The following MAST4 variants were observed in gnomAD, a reference collection of about 807,000 sequenced individuals.
MAST4 encodes microtubule-associated serine/threonine-protein kinase 4.
Under a neutral mutation model 162.7 loss-of-function variants are expected in MAST4, and 89 were observed. The observed-to-expected ratio is 0.55, with a 90% CI of 0.46 to 0.65. MAST4 has a LOEUF of 0.65. MAST4 is among the 30% of genes least tolerant of loss of function. The pLI, the probability that MAST4 is intolerant of heterozygous loss-of-function variation, is 0.00. For missense variants in MAST4, 3,153 were observed against 3,374.0 expected (o/e 0.93, Z 1.62); for synonymous variants, 1,479 against 1,361.1 (o/e 1.09, Z -1.91).
At chr5:66,697,515 AG>A in intron 1 of MAST4, among the ~76,000 whole-genome samples, 1 of 152,354 alleles carries the variant, frequency 6.6e-6, no homozygotes, top group African/African-American at 2.4e-5. Flanking sequence ...CTGTTACAAT[AG>A]TCCTTACTTT....
chr5:67,019,273 C>T (rs376031630), intron 4 of MAST4, among the ~76,000 whole-genome samples: 4 of 152,194 alleles, frequency 2.6e-5, no homozygotes, highest in African/African-American at 7.2e-5. Context: ...TGTCCACAGC[C>T]GGCTTCCTGG....
intron 4 of MAST4, among the ~76,000 whole-genome samples, chr5:66,909,341 C>G (rs1286177974): frequency 2.0e-5 from 3 of 152,184 alleles, no homozygotes; most frequent in African/African-American, 7.2e-5. Flanking sequence ...AGTGGCCCCT[C>G]TATCAGATTT....
intron 3 of MAST4, among the ~76,000 whole-genome samples, chr5:66,814,570 G>C (rs1756633084): frequency 6.6e-6 from 1 of 152,148 alleles, no homozygotes; most frequent in Non-Finnish European, 1.5e-5. Flanking sequence ...CAGAGACAAG[G>C]TGAAATGCAC....
At chr5:67,033,425 G>T (rs1316733642) in intron 4 of MAST4, among the ~76,000 whole-genome samples, 1 of 148,032 alleles carries the variant, frequency 6.8e-6, no homozygotes, top group Non-Finnish European at 1.5e-5. Flanking sequence ...CAGTCAAGCT[G>T]AGCTAGTTTG....
intron 4 of MAST4, chr5:66,986,437 T>C: frequency 1.3e-6 from 2 of 1,557,820 alleles, no homozygotes; most frequent in Non-Finnish European, 1.7e-6. Flanking sequence ...TCTCTGTTTA[T>C]TTTTAGCCCT....
At chr5:67,017,771 G>C (rs553288735) in intron 4 of MAST4, among the ~76,000 whole-genome samples, 3 of 151,600 alleles carry the variant, frequency 2.0e-5, no homozygotes, top group Non-Finnish European at 2.9e-5. Context: ...GCTAATTTTC[G>C]TGTTTTTAGT....
At chr5:66,640,309 CTTT>C (rs770087325) in intron 1 of MAST4, among the ~76,000 whole-genome samples, 4 of 139,896 alleles carry the variant, frequency 2.9e-5, no homozygotes. Flanking sequence ...CAATTTGTTT[CTTT>C]TTTTTTTTTT....
intron 7 of MAST4, among the ~76,000 whole-genome samples, chr5:67,096,774 A>G (rs1185148360): frequency 1.3e-5 from 2 of 152,116 alleles, no homozygotes; most frequent in Non-Finnish European, 2.9e-5. Flanking sequence ...CATTGAGCAG[A>G]GGTAATTTAT....
intron 3 of MAST4, among the ~76,000 whole-genome samples, chr5:66,855,523 G>A (rs1157716408): frequency 6.6e-6 from 1 of 152,222 alleles, no homozygotes; most frequent in Non-Finnish European, 1.5e-5. Flanking sequence ...TGAGAACAGA[G>A]CTGGAGATGA....
chr5:66,748,866 A>G (rs1055791372), intron 1 of MAST4, among the ~76,000 whole-genome samples: 5 of 151,084 alleles, frequency 3.3e-5, no homozygotes, highest in African/African-American at 9.8e-5. Context: ...CAGCAAAATC[A>G]ATTAATAGGT....
intron 3 of MAST4, among the ~76,000 whole-genome samples, chr5:66,892,140 C>G (rs909962580): frequency 2.6e-5 from 4 of 152,206 alleles, no homozygotes; most frequent in African/African-American, 7.2e-5. Flanking sequence ...AGTCACATGT[C>G]ATCTTTAAAC....
intron 1 of MAST4, among the ~76,000 whole-genome samples, chr5:66,746,594 C>A (rs1415974236): frequency 1.3e-5 from 2 of 152,156 alleles, no homozygotes; most frequent in African/African-American, 4.8e-5. Context: ...GGAATGTTCC[C>A]CTCTGACTTT....
At chr5:67,137,154 T>C (rs1312559664) in intron 19 of MAST4, among the ~76,000 whole-genome samples, 1 of 152,236 alleles carries the variant, frequency 6.6e-6, no homozygotes, top group East Asian at 1.9e-4. Context: ...GAAATGAGTG[T>C]CTGGGGTTGA....
intron 14 of MAST4, among the ~76,000 whole-genome samples, chr5:67,126,876 C>T (rs1768305363): frequency 6.6e-6 from 1 of 152,202 alleles, no homozygotes. Flanking sequence ...TATCCATGAG[C>T]ATGGAATGTT....
chr5:67,126,983 G>T (rs1768321410), intron 14 of MAST4, among the ~76,000 whole-genome samples: 1 of 152,108 alleles, frequency 6.6e-6, no homozygotes, highest in Non-Finnish European at 1.5e-5. Context: ...GTATTCCTAG[G>T]TATTTTATTC....
At chr5:67,012,970 G>A (rs1752872456) in intron 4 of MAST4, among the ~76,000 whole-genome samples, 1 of 152,108 alleles carries the variant, frequency 6.6e-6, no homozygotes, top group Admixed American at 6.5e-5. Context: ...AGTACTTGAA[G>A]GTAAAATAGA....
intron 3 of MAST4, among the ~76,000 whole-genome samples, chr5:66,885,904 A>G (rs374126288): frequency 3.9e-5 from 6 of 152,306 alleles, no homozygotes; most frequent in African/African-American, 1.4e-4. Context: ...TAGAATAATA[A>G]TCTAGTATTA....
At chr5:66,719,056 A>T (rs1751036316) in intron 1 of MAST4, among the ~76,000 whole-genome samples, 1 of 152,224 alleles carries the variant, frequency 6.6e-6, no homozygotes, top group African/African-American at 2.4e-5. Flanking sequence ...CAGGTATTTC[A>T]AATGCAGAAT....
rs1356225228 is a variant in MAST4, at chr5:67,160,583, G to A, written c.3776G>A (p.Ser1259Asn). The change falls in exon 27 of 29, where the codon AGT (serine) becomes AAT (asparagine). Residue 1259 changes from serine (S) to asparagine (N), a missense_variant. Physicochemically the swap from Ser to Asn is conservative, Grantham distance 46. This residue lies in a region of MAST4 where 619 missense variants were observed against 744.2 expected (regional missense o/e 0.83). Coordinates refer to ENST00000403625, the MANE Select transcript of MAST4 (RefSeq NM_001164664.2). ...AGCAAGAAATCCAAGAAGAAAGAAA[G>A]TCTCGAAAGGTTAGTAAAATCAGTA... Reference protein sequence around the residue: ...RRSKKSKKKESLERRRSLFKK... With the variant: ...RRSKKSKKKENLERRRSLFKK... 2 of 1,613,374 alleles carry A rather than the reference G, an allele frequency of 1.2e-6. No individual in the cohort carries two copies. Among genetic ancestry groups the A allele is most frequent in the East Asian group, 4.5e-5 (2 of 44,856 alleles).
Sources: allele counts gnomAD v4.1 joint callset (sites outside exome capture counted in the v4.1 genomes callset), GRCh38; gene constraint gnomAD v4.1.1; regional missense constraint gnomAD v4.1.1; transcripts MANE v1.5; gene names NCBI Gene and HGNC (gene_info 2026-07-23, HGNC 2026-07-21).